Variants in STK24 observed in about 807,000 individuals in gnomAD.
STK24 encodes serine/threonine-protein kinase 24.
Under a neutral mutation model 55.6 loss-of-function variants are expected in STK24, and 21 were observed. That is an observed-to-expected ratio of 0.38 (90% CI 0.27 to 0.54). The LOEUF (loss-of-function observed/expected upper bound fraction) is 0.54, where lower values mean the gene tolerates loss of function less well. STK24 is among the 20% of genes least tolerant of loss of function. The pLI is 0.79. For missense variants in STK24, 383 were observed against 538.4 expected (o/e 0.71, Z 2.86); for synonymous variants, 200 against 215.2 (o/e 0.93, Z 0.62).
chr13:98,472,669 A>G (rs201983802), intron 5 of STK24, among the ~76,000 whole-genome samples: 2 of 152,208 alleles, frequency 1.3e-5, no homozygotes, highest in East Asian at 3.9e-4. Context: ...TTTTTTAATA[A>G]GTTTGTAATA....
rs1173437164 is a variant in STK24 at position 98,449,736 on chromosome 13, C to T, written c.*3437G>A. ...AAGGGAATAAAAATACCTCACGCCA[C>T]AATCCAGCATATTGATGTTTTAAGG... is the stretch of plus-strand genomic sequence containing the variant. On this transcript the variant is annotated 3_prime_UTR_variant, in exon 11 of 11. Coordinates refer to ENST00000539966, the MANE Select transcript of STK24 (RefSeq NM_001032296.4). 2.6e-5 allele frequency: 4 copies of T among 151,134 alleles called. No homozygotes were observed. Among genetic ancestry groups the T allele is most frequent in the African/African-American group, 9.8e-5 (4 of 40,924 alleles). The allele number at this position is 151,134 out of a possible 1,614,324, so 9.4% of individuals were successfully genotyped here.
At chr13:98,468,579 C>T (rs1301144389) in intron 5 of STK24, among the ~76,000 whole-genome samples, 1 of 152,192 alleles carries the variant, frequency 6.6e-6, no homozygotes, top group African/African-American at 2.4e-5. Context: ...GGCAGCGGTT[C>T]TCCACACCAA....
chr13:98,477,438 G>A (rs1894419438), intron 3 of STK24, among the ~76,000 whole-genome samples: 1 of 152,074 alleles, frequency 6.6e-6, no homozygotes, highest in South Asian at 2.1e-4. Flanking sequence ...TTGGGAGGCC[G>A]AGGCGGGTGG....
intron 1 of STK24, among the ~76,000 whole-genome samples, chr13:98,545,351 A>G (rs1897001379): frequency 6.6e-6 from 1 of 152,248 alleles, no homozygotes; most frequent in Non-Finnish European, 1.5e-5. Context: ...TGCAGATCAA[A>G]AAGTGCCAGA....
At chr13:98,526,808 C>G (rs763554893) in intron 1 of STK24, among the ~76,000 whole-genome samples, 1 of 152,188 alleles carries the variant, frequency 6.6e-6, no homozygotes, top group Non-Finnish European at 1.5e-5. Flanking sequence ...CCACAAATGG[C>G]TTCCTGGAAT....
At chr13:98,475,757 G>A (rs1894346444) in intron 3 of STK24, among the ~76,000 whole-genome samples, 2 of 152,204 alleles carry the variant, frequency 1.3e-5, no homozygotes, top group Admixed American at 6.5e-5. Flanking sequence ...GCCATGGCAG[G>A]GGCGGGGTAC....
At chr13:98,526,064 A>ATGG (rs1335944551) in intron 1 of STK24, among the ~76,000 whole-genome samples, 13 of 152,288 alleles carry the variant, frequency 8.5e-5, no homozygotes, top group Admixed American at 8.5e-4. Flanking sequence ...CGGGTGAGGG[A>ATGG]TGGTGGCTGG....
chr13:98,489,182 T>C (rs902708934), intron 2 of STK24, among the ~76,000 whole-genome samples: 6 of 152,146 alleles, frequency 3.9e-5, no homozygotes, highest in Admixed American at 3.9e-4. Context: ...ATGTGCATGC[T>C]CCTCAGAGGG....
chr13:98,459,415 A>G (rs1244870642), intron 9 of STK24, among the ~76,000 whole-genome samples: 1 of 152,236 alleles, frequency 6.6e-6, no homozygotes, highest in Admixed American at 6.5e-5. Context: ...CGGGCCCTGA[A>G]CTTGCCAGGT....
chr13:98,504,202 G>GCC (rs1285611625), intron 2 of STK24, among the ~76,000 whole-genome samples: 2 of 142,448 alleles, frequency 1.4e-5, no homozygotes, highest in Non-Finnish European at 3.2e-5. Context: ...CTTAACTGAA[G>GCC]ACAAAAAAAA....
chr13:98,554,603 T>C (rs756506597), intron 1 of STK24, among the ~76,000 whole-genome samples: 4 of 152,188 alleles, frequency 2.6e-5, no homozygotes, highest in African/African-American at 4.8e-5. Flanking sequence ...GGTGGGAAGA[T>C]TGCTTGAGGC....
At chr13:98,463,376 G>C (rs1467772875) in intron 7 of STK24, among the ~76,000 whole-genome samples, 1 of 152,266 alleles carries the variant, frequency 6.6e-6, no homozygotes, top group South Asian at 2.1e-4. Flanking sequence ...CACCTGATCA[G>C]GGTTTTACAA....
chr13:98,468,954 C>T (rs1457745632), intron 5 of STK24, among the ~76,000 whole-genome samples: 4 of 152,228 alleles, frequency 2.6e-5, no homozygotes, highest in Non-Finnish European at 5.9e-5. Context: ...CTCCAAGCAC[C>T]TCTCAACCAG....
chr13:98,554,000 T>C (rs978396575), intron 1 of STK24, among the ~76,000 whole-genome samples: 3 of 149,046 alleles, frequency 2.0e-5, no homozygotes, highest in Non-Finnish European at 4.4e-5. Flanking sequence ...AGGTGGAGGC[T>C]GCAGTGAGCC....
intron 1 of STK24, among the ~76,000 whole-genome samples, chr13:98,527,201 C>T (rs1419157947): frequency 6.6e-6 from 1 of 152,138 alleles, no homozygotes; most frequent in Non-Finnish European, 1.5e-5. Flanking sequence ...CAGAGCTGGG[C>T]GTGGTGGCTC....
In STK24 at chr13:98,475,333, G is replaced by A. The variant is rs1404076548; in HGVS notation, c.356C>T (p.Thr119Ile). 9.3e-6 allele frequency: 15 copies of A among 1,612,022 alleles called. No homozygotes were observed. Among genetic ancestry groups the A allele is most frequent in the African/African-American group, 2.7e-5 (2 of 74,798 alleles). Residue 119 changes from threonine (T) to isoleucine (I), a missense_variant, in exon 4 of 11, where the codon ACC (threonine) becomes ATC (isoleucine). Physicochemically the swap from Thr to Ile is moderately conservative, Grantham distance 89. Transcript: ENST00000539966. Reference protein sequence around the residue: ...DLLEPGPLDETQIATILREIL... With the variant: ...DLLEPGPLDEIQIATILREIL... Reference sequence around the variant, plus strand: ...TTCTCTTAATATAGTAGCGATCTGGGTTTCATCTAATGGGCCAGGTTCTAA... The same window carrying A: ...TTCTCTTAATATAGTAGCGATCTGGATTTCATCTAATGGGCCAGGTTCTAA...
At chr13:98,499,665 C>T (rs1895375595) in intron 2 of STK24, among the ~76,000 whole-genome samples, 2 of 152,056 alleles carry the variant, frequency 1.3e-5, no homozygotes, top group African/African-American at 2.4e-5. Context: ...AAGAGTGTTC[C>T]AAGAGTAAGC....
At chr13:98,562,846 G>A (rs1381641216) in intron 1 of STK24, among the ~76,000 whole-genome samples, 5 of 150,176 alleles carry the variant, frequency 3.3e-5, no homozygotes, top group Non-Finnish European at 7.4e-5. Context: ...AACCCAGGAG[G>A]CAGAAGTTGC....
chr13:98,461,930 G>A (rs1893723255), intron 7 of STK24, 33 bp from the exon 8 acceptor site: 2 of 1,610,644 alleles, frequency 1.2e-6, no homozygotes, highest in Non-Finnish European at 8.5e-7. Context: ...TCCCATCAGT[G>A]CTCGCACACC....
Sources: gnomAD v4.1 joint callset for allele counts (sites outside exome capture counted in the v4.1 genomes callset) on GRCh38, gnomAD v4.1.1 for gene constraint, MANE v1.5 for transcripts, NCBI Gene and HGNC (gene_info 2026-07-23, HGNC 2026-07-21) for gene names.